Variants in TPR observed in about 807,000 individuals in gnomAD.
TPR encodes the protein translocated promoter region, nuclear basket protein.
TPR carries 51 observed loss-of-function variants against 316.1 expected under a neutral mutation model. The ratio of observed to expected loss-of-function variants is 0.16; its 90% CI spans 0.13 to 0.20. The LOEUF (loss-of-function observed/expected upper bound fraction) is 0.20. Ranked by LOEUF, TPR falls within the 10% of genes least tolerant of loss-of-function variation. TPR has a pLI of 1.00. For synonymous variants in TPR, 981 were observed against 914.7 expected, an observed-to-expected ratio of 1.07 and a Z score of -1.31; for missense variants, 2,272 against 2,754.8, an observed-to-expected ratio of 0.82 and a Z score of 3.92.
At chr1:186,347,234 TA>T in intron 22 of TPR, 57 bp downstream of exon 22, 1 of 1,584,674 alleles carries the variant, frequency 6.3e-7, no homozygotes, top group Non-Finnish European at 8.6e-7. Context: ...CTCTAGTTAC[TA>T]AAAACAAAGT....
intron 12 of TPR, among the ~76,000 whole-genome samples, chr1:186,359,518 G>T (rs928832529): frequency 1.3e-5 from 2 of 151,854 alleles, no homozygotes; most frequent in Non-Finnish European, 2.9e-5. Context: ...AGGAGATTTG[G>T]CTATTATTCT....
chr1:186,370,455 G>T (rs1164181045), intron 3 of TPR, among the ~76,000 whole-genome samples: 1 of 151,884 alleles, frequency 6.6e-6, no homozygotes, highest in Non-Finnish European at 1.5e-5. Context: ...GCTTTTTTGC[G>T]CCTATTCAGA....
In TPR at chr1:186,312,670, G is replaced by C. The variant is rs1435352491; in HGVS notation, c.*1301C>G. ...TATAACCCTCAATAGTTCTACATCAGAGGGCTAAAACTGAGATTAAAACTC... is the reference window on the plus strand; with the variant it reads ...TATAACCCTCAATAGTTCTACATCACAGGGCTAAAACTGAGATTAAAACTC... On this transcript the variant is annotated 3_prime_UTR_variant, in exon 51 of 51. Coordinates refer to ENST00000367478, the MANE Select transcript of TPR (RefSeq NM_003292.3). The C allele has an allele frequency of 1.5e-6, 2 of 1,296,914 alleles. No homozygotes were observed. Among genetic ancestry groups the C allele is most frequent in the African/African-American group, 1.5e-5 (1 of 68,492 alleles). The allele number at this position is 1,296,914 out of a possible 1,614,324, so 80.3% of individuals were successfully genotyped here. A position where few individuals can be genotyped will look rare whatever the true frequency, so the allele number is the denominator to read the frequency against.
rs1434724737 is a variant in TPR at position 186,358,722 on chromosome 1, A to AT, written c.1390-73dup. ...TTTATACAAGTAATAAAGACATACA[A>AT]TACTCAAACACCACCAGTAATCAAC... On this transcript the variant is annotated intron_variant, in intron 12 of 50. Transcript: ENST00000367478. 4.4e-5 allele frequency: 52 copies of AT among 1,179,976 alleles called. No individual in the cohort carries two copies. In the Middle Eastern group the frequency reaches 1.4e-3, roughly 32 times the overall value. The allele number at this position is 1,179,976 out of a possible 1,614,324, so 73.1% of individuals were successfully genotyped here.
In TPR at chr1:186,338,253, A is replaced by G; in HGVS notation, c.4152-10T>C. 8.8e-6 allele frequency: 14 copies of G among 1,589,474 alleles called. No homozygotes were observed. The highest frequency in any genetic ancestry group is 1.2e-5 in the Non-Finnish European group (14 of 1,170,318). ...CAAAGATGCATTTGATCTTTAAAAA[A>G]TGGAGGAAAGAAGAAAGATTAAATA... On this transcript the variant is annotated splice_polypyrimidine_tract_variant and intron_variant, in intron 30 of 50. Transcript: ENST00000367478.
intron 5 of TPR, 110 bp from the exon 6 acceptor site, chr1:186,363,111 A>G (rs1217061166): frequency 1.6e-6 from 2 of 1,253,604 alleles, no homozygotes; most frequent in Non-Finnish European, 2.2e-6. Context: ...CAAAACAGAA[A>G]TTAAGTATTT....
Position 186,371,008 on chromosome 1 carries a change from C to A in TPR, c.292G>T (p.Glu98Ter). 6.2e-7 allele frequency: 1 copy of A among 1,612,880 alleles called. No homozygotes were observed. The highest frequency in any genetic ancestry group is 1.1e-5 in the South Asian group (1 of 91,046). The change falls in exon 3 of 51, where the codon GAA becomes TAA. Residue 98 changes from glutamate to a stop codon, truncating the protein, a stop_gained. Coordinates refer to ENST00000367478, the MANE Select transcript of TPR (RefSeq NM_003292.3). LOFTEE classifies it high-confidence loss of function. ...TTGCGATCCTGAGCAATTTCAAGTTCTTTGTTTTTCTCAGTTAGTGCCTTC... is the reference window on the plus strand; with the variant it reads ...TTGCGATCCTGAGCAATTTCAAGTTATTTGTTTTTCTCAGTTAGTGCCTTC... Reference protein sequence around the residue: ...QLKALTEKNKELEIAQDRNIA... With the variant: ...QLKALTEKNK
rs779210034 is a variant in TPR, at chr1:186,314,750, AAAGC to A, written c.6941-30_6941-27del. ...CTAAGAAAAACATTAAGATAAAAGA[AAAGC>A]AAGTGAAAAAATGAGAAAGCATTTA... On this transcript the variant is annotated intron_variant, in intron 49 of 50. Coordinates refer to ENST00000367478, the MANE Select transcript of TPR (RefSeq NM_003292.3). 22 of 1,503,930 alleles carry A rather than the reference AAAGC, an allele frequency of 1.5e-5. No homozygotes were observed. In the Admixed American group the frequency reaches 1.9e-4, roughly 13 times the overall value. 93.2% of individuals were successfully genotyped at this position (1,503,930 alleles called of 1,614,324 possible).
intron 37 of TPR, 59 bp downstream of exon 37, chr1:186,333,063 C>T (rs1658219686): frequency 4.5e-6 from 7 of 1,560,350 alleles, no homozygotes; most frequent in South Asian, 3.6e-5. Context: ...ACTCAAGATA[C>T]ACTCAAGATC....
In TPR at chr1:186,323,778, G is replaced by C. The variant is rs757266814; in HGVS notation, c.6205C>G (p.Arg2069Gly). 1.3e-6 allele frequency: 2 copies of C among 1,542,156 alleles called. No individual in the cohort carries two copies. Among genetic ancestry groups the C allele is most frequent in the South Asian group, 2.5e-5 (2 of 79,230 alleles). The change falls in exon 43 of 51, where the codon CGA becomes GGA. Residue 2069 changes from arginine (R) to glycine (G), a missense_variant. Arg to Gly is a moderately radical substitution (Grantham distance 125, BLOSUM62 -2). Coordinates refer to ENST00000367478, the MANE Select transcript of TPR (RefSeq NM_003292.3). ...PSSASERQAP[R>G]APQSPRRPPH... is the part of the protein sequence containing the mutation. ...GGGCGTCTCGGTGACTGAGGTGCTC[G>C]AGGGGCCTGTCTTTCAGATGCTGAT...
intron 5 of TPR, 104 bp downstream of exon 5, chr1:186,363,238 A>T: frequency 9.2e-7 from 1 of 1,088,188 alleles, no homozygotes; most frequent in Non-Finnish European, 1.3e-6. Context: ...AAAACAAAAC[A>T]AAATGCAGCT....
At position 186,322,560 on chromosome 1, in the gene TPR, A is replaced by C. The variant is rs1657802980; in HGVS notation, c.6324T>G (p.Ser2108=). 1 of 1,614,124 alleles carries C rather than the reference A, an allele frequency of 6.2e-7. No individual in the cohort carries two copies. Among genetic ancestry groups the C allele is most frequent in the East Asian group, 2.2e-5 (1 of 44,866 alleles). The part of the protein sequence containing the change: ...VQRIQMTRRQ[S]VGRGLQLTPG... ...GAGTCAACTGAAGGCCACGTCCTAC[A>C]GACTGCCTTCGGGTCATCTGAATTC... Residue 2108 remains serine (S), a synonymous_variant, in exon 44 of 51, where the codon TCT becomes TCG. Transcript: ENST00000367478.
chr1:186,338,116 T>G lies in TPR; in HGVS notation c.4279A>C (p.Lys1427Gln), dbSNP rs774096230. Residue 1427 changes from lysine (K) to glutamine (Q), a missense_variant, in exon 31 of 51, where the codon AAA (lysine) becomes CAA (glutamine). Transcript: ENST00000367478. ...TTAACTTGAGTAATAGTTTTGACTT[T>G]TTCTTGGATATCAATTATTTTGGCA... ...LDAKIIDIQE[K>Q]VKTITQVKKI... The G allele has an allele frequency of 1.2e-6, 2 of 1,612,940 alleles. No homozygotes were observed. Among genetic ancestry groups the G allele is most frequent in the Non-Finnish European group, 1.7e-6 (2 of 1,179,522 alleles).
intron 39 of TPR, among the ~76,000 whole-genome samples, chr1:186,328,141 G>C (rs770299554): frequency 2.0e-5 from 3 of 151,874 alleles, no homozygotes; most frequent in Non-Finnish European, 4.4e-5. Context: ...ATGAACCTTT[G>C]AGTTTCCTTA....
intron 12 of TPR, among the ~76,000 whole-genome samples, chr1:186,359,437 G>C (rs1435653907): frequency 6.6e-6 from 1 of 151,976 alleles, no homozygotes; most frequent in Non-Finnish European, 1.5e-5. Context: ...ACAACTGTCT[G>C]ATAAAGAATG....
At chr1:186,363,519 C>T in intron 4 of TPR, 74 bp from the exon 5 acceptor site, 3 of 1,025,208 alleles carry the variant, frequency 2.9e-6, no homozygotes, top group Non-Finnish European at 4.4e-6. Context: ...AAATATATTT[C>T]TAGGAATATA....
chr1:186,332,995 T>A, intron 37 of TPR, 127 bp downstream of exon 37: 2 of 1,106,620 alleles, frequency 1.8e-6, no homozygotes, highest in Non-Finnish European at 2.5e-6. Flanking sequence ...TCCAAGATAT[T>A]ATAATTGCGT....
chr1:186,334,950 T>G (rs1336756417), intron 35 of TPR, 118 bp downstream of exon 35: 10 of 1,023,986 alleles, frequency 9.8e-6, no homozygotes, highest in Non-Finnish European at 1.4e-5. Context: ...AAAACAACTC[T>G]TTAGTGTATG....
At position 186,317,520 on chromosome 1, in the gene TPR, G is replaced by A. The variant is rs745874526; in HGVS notation, c.6902C>T (p.Pro2301Leu). The change falls in exon 49 of 51, where the codon CCC becomes CTC. Residue 2301 changes from proline to leucine, a missense_variant. Physicochemically the swap from Pro to Leu is moderately conservative, Grantham distance 98. Coordinates refer to ENST00000367478, the MANE Select transcript of TPR (RefSeq NM_003292.3). ...PVQASDESDL[P>L]STSQDPPSSS... ...AGAAGGAGGATCCTGGCTGGTGGAGGGGAGATCTGACTCATCAGATGCTTG... is the reference window on the plus strand; with the variant it reads ...AGAAGGAGGATCCTGGCTGGTGGAGAGGAGATCTGACTCATCAGATGCTTG... 3.2e-5 allele frequency: 52 copies of A among 1,613,992 alleles called. No individual in the cohort carries two copies. The highest frequency in any genetic ancestry group is 1.6e-4 in the Middle Eastern group (1 of 6,080).
Sources: gnomAD v4.1 joint callset for allele counts (sites outside exome capture counted in the v4.1 genomes callset) on GRCh38, gnomAD v4.1.1 for gene constraint, MANE v1.5 for transcripts, NCBI Gene and HGNC (gene_info 2026-07-23, HGNC 2026-07-21) for gene names.